The following MYO5C variants were observed in gnomAD, a reference collection of about 807,000 sequenced individuals.
MYO5C encodes unconventional myosin-Vc.
A neutral mutation model predicts 235.7 loss-of-function variants in MYO5C; 194 were observed. The observed-to-expected ratio is 0.82, with a 90% CI of 0.73 to 0.93. MYO5C has a LOEUF of 0.93. Among genes scored for constraint, MYO5C ranks in the 40% least tolerant of loss-of-function variants. The pLI is 0.00. For synonymous variants in MYO5C, 707 were observed against 754.8 expected (o/e 0.94, Z 1.04); for missense variants, 2,038 against 2,127.2 (o/e 0.96, Z 0.82).
At position 52,229,028 on chromosome 15, in the gene MYO5C, T is replaced by C. The variant is rs572196606; in HGVS notation, c.3207+105A>G. ...CTGAAGGAATCAGGCTCCAGTTGCC[T>C]GTGGCCTTTACACAGATGCTTTTAG... On this transcript the variant is annotated intron_variant, in intron 25 of 40. Coordinates refer to ENST00000261839, the MANE Select transcript of MYO5C (RefSeq NM_018728.4). 123 of 1,352,770 alleles carry C rather than the reference T, an allele frequency of 9.1e-5. 1 individual carries two copies. The African/African-American group carries it at 1.5e-3, about 16-fold the overall frequency. 83.8% of individuals were successfully genotyped at this position (1,352,770 alleles called of 1,614,324 possible).
chr15:52,277,330 G>A, intron 4 of MYO5C: 1 of 490,462 alleles, frequency 2.0e-6, no homozygotes, highest in Non-Finnish European at 4.0e-6. Flanking sequence ...GTGCCAAAGA[G>A]CTCATCCCAC....
chr15:52,247,362 A>G (rs2036373037), intron 15 of MYO5C, 96 bp downstream of exon 15: 2 of 1,386,380 alleles, frequency 1.4e-6, no homozygotes, highest in Non-Finnish European at 9.9e-7. Flanking sequence ...GCGTCTGTCC[A>G]TGTCCAGGCC....
At position 52,240,606 on chromosome 15, in the gene MYO5C, C is replaced by T. The variant is rs562570128; in HGVS notation, c.2557-727G>A. ...AATTAGCTGGGCATGGTGGCTCACG[C>T]CTGTGGTCCCAGCTACTCAGGAGGC... On this transcript the variant is annotated intron_variant, in intron 20 of 40. Coordinates refer to ENST00000261839, the MANE Select transcript of MYO5C (RefSeq NM_018728.4). Among the ~76,000 whole-genome samples, 19 of 151,206 alleles carry T rather than the reference C, an allele frequency of 1.3e-4. No homozygotes were observed. The South Asian group carries it at 4.0e-3, about 32-fold the overall frequency.
At chr15:52,247,336 G>C (rs1273670760) in intron 15 of MYO5C, 122 bp downstream of exon 15, 126 of 1,175,604 alleles carry the variant, frequency 1.1e-4, no homozygotes, top group Non-Finnish European at 1.5e-4. Context: ...GTCCATGTTA[G>C]ATTGGAAGAG....
At chr15:52,248,606 ACT>A (rs751659794) in intron 14 of MYO5C, 92 bp downstream of exon 14, 3,216 of 610,758 alleles carry the variant, frequency 5.3e-3, no homozygotes, top group South Asian at 8.4e-3. Context: ...ACACACACAC[ACT>A]CTCTCTCTCT....
rs1019421631 is a variant in MYO5C at position 52,223,228 on chromosome 15, C to T, written c.3627+316G>A. ...ACACACTCCTGTCTCAAGAGCTACC[C>T]TTCAATTTTGTGGTCACTTTCCAAG... On this transcript the variant is annotated intron_variant, in intron 29 of 40. Transcript: ENST00000261839. 2.0e-5 allele frequency among the ~76,000 whole-genome samples: 3 copies of T among 151,916 alleles called. 1 individual carries two copies. Among genetic ancestry groups the T allele is most frequent in the Non-Finnish European group, 4.4e-5 (3 of 67,996 alleles).
intron 35 of MYO5C, among the ~76,000 whole-genome samples, chr15:52,208,989 T>C (rs187833745): frequency 1.6e-4 from 24 of 152,258 alleles, no homozygotes; most frequent in Non-Finnish European, 2.8e-4. Context: ...ACGATGGCTG[T>C]AGACTGTGCT....
chr15:52,275,449 T>C (rs986956055), intron 5 of MYO5C, 113 bp downstream of exon 5: 17 of 1,347,306 alleles, frequency 1.3e-5, no homozygotes, highest in Non-Finnish European at 1.8e-5. Context: ...TTTCCTGCCC[T>C]CACTTCTTTA....
Position 52,253,472 on chromosome 15 carries a change from T to C in MYO5C, c.1396-15A>G. The C allele has an allele frequency of 6.2e-7, 1 of 1,608,284 alleles. No individual in the cohort carries two copies. The highest frequency in any genetic ancestry group is 8.5e-7 in the Non-Finnish European group (1 of 1,177,480). On this transcript the variant is annotated splice_polypyrimidine_tract_variant and intron_variant, in intron 11 of 40. Coordinates refer to ENST00000261839, the MANE Select transcript of MYO5C (RefSeq NM_018728.4). ...TTGAAGACATGCTGGGAATCCAAAG[T>C]TAATACAGAAAGTAAAACAGAATAT... is the stretch of plus-strand genomic sequence containing the variant.
chr15:52,226,214 T>A (rs752757477), intron 25 of MYO5C, among the ~76,000 whole-genome samples: 1 of 152,194 alleles, frequency 6.6e-6, no homozygotes, highest in Non-Finnish European at 1.5e-5. Flanking sequence ...ATGGGCAAAG[T>A]TGCCACCTTC....
chr15:52,286,131 G>A (rs1346875863), intron 1 of MYO5C, among the ~76,000 whole-genome samples: 2 of 151,008 alleles, frequency 1.3e-5, no homozygotes, highest in Non-Finnish European at 2.9e-5. Flanking sequence ...CGCACCCTCT[G>A]AGAAGTGAGG....
chr15:52,272,200 A>C (rs892212436), intron 6 of MYO5C, among the ~76,000 whole-genome samples: 3 of 152,242 alleles, frequency 2.0e-5, no homozygotes, highest in Non-Finnish European at 4.4e-5. Context: ...CTGGCAGAAA[A>C]GCCTTTCTTT....
chr15:52,213,062 G>T, intron 34 of MYO5C, 126 bp downstream of exon 34: 1 of 669,018 alleles, frequency 1.5e-6, no homozygotes, highest in Non-Finnish European at 2.7e-6. Flanking sequence ...GAGAAACTCT[G>T]GGCTGGGGGA....
In MYO5C at chr15:52,193,031, G is replaced by C. The variant is rs963258297; in HGVS notation, c.*871C>G. Reference sequence around the variant, plus strand: ...TTGAACACTCTTAAAAATTAAAAGGGTCAGCCGGGCGCGGTGGCACACGCC... The same window carrying C: ...TTGAACACTCTTAAAAATTAAAAGGCTCAGCCGGGCGCGGTGGCACACGCC... On this transcript the variant is annotated 3_prime_UTR_variant, in exon 41 of 41. Transcript: ENST00000261839. 6.6e-6 allele frequency: 1 copy of C among 151,932 alleles called. No individual in the cohort carries two copies. Among genetic ancestry groups the C allele is most frequent in the Non-Finnish European group, 1.5e-5 (1 of 67,984 alleles). 9.4% of individuals were successfully genotyped at this position (151,932 alleles called of 1,614,324 possible). A position where few individuals can be genotyped will look rare whatever the true frequency, so the allele number is the denominator to read the frequency against.
Position 52,196,796 on chromosome 15 carries a change from A to G in MYO5C, c.4821-313T>C, listed in dbSNP as rs530713915. ...AAAGGAAAGAAACAGTGATATCTGAAGAGAAGACTTCCATAAGTATAAAAA... is the reference window on the plus strand; with the variant it reads ...AAAGGAAAGAAACAGTGATATCTGAGGAGAAGACTTCCATAAGTATAAAAA... On this transcript the variant is annotated intron_variant, in intron 38 of 40. Transcript: ENST00000261839. Among the ~76,000 whole-genome samples, 41 of 152,384 alleles carry G rather than the reference A, an allele frequency of 2.7e-4. 1 individual carries two copies. Among genetic ancestry groups the G allele is most frequent in the African/African-American group, 9.9e-4 (41 of 41,596 alleles).
At chr15:52,228,022 T>TG (rs2035866695) in intron 25 of MYO5C, among the ~76,000 whole-genome samples, 1 of 152,244 alleles carries the variant, frequency 6.6e-6, no homozygotes, top group South Asian at 2.1e-4. Context: ...AGGGAAACAA[T>TG]TCACTTAAGC....
At chr15:52,256,851 G>C in intron 10 of MYO5C, 131 bp from the exon 11 acceptor site, 2 of 654,104 alleles carry the variant, frequency 3.1e-6, no homozygotes, top group Non-Finnish European at 5.3e-6. Flanking sequence ...ACCCCTCAAA[G>C]CTTCTGGTTT....
chr15:52,286,574 CTT>C (rs1438242621), intron 1 of MYO5C, among the ~76,000 whole-genome samples: 2 of 152,056 alleles, frequency 1.3e-5, no homozygotes, highest in Non-Finnish European at 2.9e-5. Context: ...ACATGGGAGA[CTT>C]TTCATTTTGT....
intron 25 of MYO5C, among the ~76,000 whole-genome samples, chr15:52,227,137 C>T (rs2035841492): frequency 6.7e-6 from 1 of 148,962 alleles, no homozygotes; most frequent in Non-Finnish European, 1.5e-5. Flanking sequence ...GTGACAAGAG[C>T]AAAACTCTGT....
Sources: gnomAD v4.1 joint callset for allele counts (sites outside exome capture counted in the v4.1 genomes callset) on GRCh38, gnomAD v4.1.1 for gene constraint, MANE v1.5 for transcripts, NCBI Gene and HGNC (gene_info 2026-07-23, HGNC 2026-07-21) for gene names.